Variants in MAP2 observed in about 807,000 individuals in gnomAD.
The protein encoded by MAP2 is microtubule-associated protein 2.
Under a neutral mutation model 137.6 loss-of-function variants are expected in MAP2, and 14 were observed. The observed-to-expected ratio is 0.10, with a 90% confidence interval of 0.07 to 0.16. The LOEUF (loss-of-function observed/expected upper bound fraction) is 0.16. MAP2 is among the 10% of genes least tolerant of loss of function. The pLI is 1.00. For synonymous variants in MAP2, 786 were observed against 782.3 expected, an observed-to-expected ratio of 1.00 and a Z score of -0.08; for missense variants, 2,088 against 2,191.5, an observed-to-expected ratio of 0.95 and a Z score of 0.94.
intron 1 of MAP2, among the ~76,000 whole-genome samples, chr2:209,501,794 G>GA (rs200805648): frequency 0.012 from 1,765 of 147,698 alleles, 38 homozygotes; most frequent in African/African-American, 0.042. Flanking sequence ...GGAAAAAAAG[G>GA]AAAAAAAAAA....
At chr2:209,530,445 T>C (rs115922141) in intron 2 of MAP2, among the ~76,000 whole-genome samples, 3,346 of 152,320 alleles carry the variant, frequency 0.022, 43 homozygotes, top group Non-Finnish European at 0.035. Flanking sequence ...ATTAGCCCTA[T>C]TTATTTTGTT....
At chr2:209,546,175 G>T (rs577342504) in intron 2 of MAP2, among the ~76,000 whole-genome samples, 1 of 152,038 alleles carries the variant, frequency 6.6e-6, no homozygotes, top group African/African-American at 2.4e-5. Context: ...AAGAAAAAAA[G>T]AAATGCACGC....
intron 4 of MAP2, among the ~76,000 whole-genome samples, chr2:209,652,474 T>A (rs879578288): frequency 6.6e-6 from 1 of 152,138 alleles, no homozygotes. Flanking sequence ...CTATCTTTCT[T>A]TCTTTTTTTT....
intron 2 of MAP2, among the ~76,000 whole-genome samples, chr2:209,566,592 C>G (rs1434388294): frequency 6.6e-6 from 1 of 152,174 alleles, no homozygotes; most frequent in African/African-American, 2.4e-5. Context: ...CTTAACTCTC[C>G]TAACACACAT....
At chr2:209,685,235 A>G (rs2056561747) in intron 7 of MAP2, among the ~76,000 whole-genome samples, 1 of 152,166 alleles carries the variant, frequency 6.6e-6, no homozygotes, top group South Asian at 2.1e-4. Flanking sequence ...TTATCTTCAA[A>G]TGAGAGTTAT....
chr2:209,665,961 C>T (rs955780585), intron 5 of MAP2, among the ~76,000 whole-genome samples: 1 of 152,164 alleles, frequency 6.6e-6, no homozygotes, highest in African/African-American at 2.4e-5. Context: ...AAGGAGGAAA[C>T]TAATAGTAGT....
At chr2:209,566,743 C>G (rs2073504782) in intron 2 of MAP2, among the ~76,000 whole-genome samples, 1 of 152,034 alleles carries the variant, frequency 6.6e-6, no homozygotes, top group Admixed American at 6.6e-5. Flanking sequence ...TCTTCTTCAG[C>G]TTTTTTCTGT....
intron 7 of MAP2, among the ~76,000 whole-genome samples, chr2:209,686,731 G>A (rs1202595019): frequency 6.6e-6 from 1 of 152,038 alleles, no homozygotes; most frequent in African/African-American, 2.4e-5. Context: ...AATTTCCTAG[G>A]CAAGATACAG....
At chr2:209,457,852 A>G (rs1701904983) in intron 1 of MAP2, among the ~76,000 whole-genome samples, 1 of 152,112 alleles carries the variant, frequency 6.6e-6, no homozygotes, top group African/African-American at 2.4e-5. Flanking sequence ...TTAAGTTAGG[A>G]TGATCCAAAG....
At chr2:209,697,902 G>A (rs910997158) in intron 10 of MAP2, among the ~76,000 whole-genome samples, 1 of 152,106 alleles carries the variant, frequency 6.6e-6, no homozygotes, top group Non-Finnish European at 1.5e-5. Flanking sequence ...AGGCTGGAGT[G>A]CAGTGGCACG....
intron 2 of MAP2, among the ~76,000 whole-genome samples, chr2:209,572,950 T>G (rs1010848348): frequency 6.6e-6 from 1 of 152,228 alleles, no homozygotes; most frequent in Non-Finnish European, 1.5e-5. Flanking sequence ...AGCACATATC[T>G]TTCATTTATA....
chr2:209,540,033 C>T (rs1004857620), intron 2 of MAP2, among the ~76,000 whole-genome samples: 10 of 130,186 alleles, frequency 7.7e-5, no homozygotes, highest in Admixed American at 7.3e-4. Context: ...CCTGGGAGGT[C>T]GAGGCTGCAG....
chr2:209,694,152 C>T lies in MAP2; in HGVS notation c.1982C>T (p.Thr661Ile), dbSNP rs2153720212. 1 of 1,614,066 alleles carries T rather than the reference C, an allele frequency of 6.2e-7. No individual in the cohort carries two copies. Among genetic ancestry groups the T allele is most frequent in the Non-Finnish European group, 8.5e-7 (1 of 1,179,992 alleles). ...AGTTCTCCTCAAGAAAGAATGTTCA[C>T]TATTGATCCAAAAGTGTATGGAGAG... Reference protein sequence around the residue: ...EPSSPQERMFTIDPKVYGEKR... With the variant: ...EPSSPQERMFIIDPKVYGEKR... The change falls in exon 8 of 16, where the codon ACT (threonine) becomes ATT (isoleucine). Residue 661 changes from threonine (T) to isoleucine (I), a missense_variant. Physicochemically the swap from Thr to Ile is moderately conservative, Grantham distance 89 (BLOSUM62 -1). Around this residue, in one of 6 missense-constraint regions of MAP2, gnomAD observed 859 missense variants for 794.5 expected, o/e 1.08. Coordinates refer to ENST00000682079, the MANE Select transcript of MAP2 (RefSeq NM_001375505.1).
At chr2:209,486,123 T>C (rs2149897355) in intron 1 of MAP2, among the ~76,000 whole-genome samples, 1 of 152,358 alleles carries the variant, frequency 6.6e-6, no homozygotes, top group East Asian at 1.9e-4. Flanking sequence ...ACCATCATTA[T>C]ATCCCAGTTC....
chr2:209,666,056 T>A (rs2046177017), intron 5 of MAP2, among the ~76,000 whole-genome samples: 1 of 152,208 alleles, frequency 6.6e-6, no homozygotes, highest in Admixed American at 6.5e-5. Flanking sequence ...ATTTTGCATC[T>A]TCAGCTCATG....
At chr2:209,681,367 A>G (rs2054496913) in intron 7 of MAP2, among the ~76,000 whole-genome samples, 1 of 152,178 alleles carries the variant, frequency 6.6e-6, no homozygotes, top group Non-Finnish European at 1.5e-5. Flanking sequence ...TGATATTGAG[A>G]GCATTGAACT....
chr2:209,706,234 G>A (rs929830580), intron 12 of MAP2, among the ~76,000 whole-genome samples: 8 of 152,050 alleles, frequency 5.3e-5, no homozygotes, highest in African/African-American at 1.9e-4. Context: ...TATCTTGATT[G>A]ATGGCCCATT....
chr2:209,436,070 A>C (rs965878322), intron 1 of MAP2, among the ~76,000 whole-genome samples: 1 of 131,438 alleles, frequency 7.6e-6, no homozygotes, highest in Non-Finnish European at 1.7e-5. Flanking sequence ...CAAAAGAACA[A>C]AGATTAATTT....
chr2:209,721,125 G>T (rs920658310), intron 13 of MAP2, among the ~76,000 whole-genome samples: 2 of 152,030 alleles, frequency 1.3e-5, no homozygotes, highest in Non-Finnish European at 2.9e-5. Flanking sequence ...TTTTGCTACG[G>T]CATAAATATG....
Sources: gnomAD v4.1 joint callset for allele counts (sites outside exome capture counted in the v4.1 genomes callset) on GRCh38, gnomAD v4.1.1 for gene constraint, gnomAD v4.1.1 regional missense constraint, MANE v1.5 for transcripts, NCBI Gene and HGNC (gene_info 2026-07-23, HGNC 2026-07-21) for gene names.